The following FSIP1 variants were observed in gnomAD, a reference collection of about 807,000 sequenced individuals.
FSIP1 encodes the protein fibrous sheath-interacting protein 1.
Under a neutral mutation model 60.9 loss-of-function variants are expected in FSIP1, and 65 were observed. That is an observed-to-expected ratio of 1.07 (90% CI 0.87 to 1.31). FSIP1 has a LOEUF of 1.31. Among genes scored for constraint, FSIP1 ranks in the 40% most tolerant of loss-of-function variants. The probability of loss-of-function intolerance (pLI) is 0.00; values close to 1 mark genes in which losing one functional copy is unlikely to be tolerated. For synonymous variants in FSIP1, 209 were observed against 221.2 expected (o/e 0.94, Z 0.49); for missense variants, 675 against 665.5 (o/e 1.01, Z -0.16).
intron 11 of FSIP1, among the ~76,000 whole-genome samples, chr15:39,601,482 G>A (rs1595520210): frequency 1.3e-5 from 2 of 152,334 alleles, no homozygotes; most frequent in East Asian, 3.9e-4. Context: ...AAATGGTGCA[G>A]TAGCTTTAGA....
rs755772848 is a variant in FSIP1, at chr15:39,618,062, T to C, written c.1372A>G (p.Thr458Ala). 12 of 1,614,076 alleles carry C rather than the reference T, an allele frequency of 7.4e-6. No individual in the cohort carries two copies. The African/African-American group carries it at 1.6e-4, about 22-fold the overall frequency. ...IISKLLNESE[T>A]KVQKTEVEDA... ...TCTACCTCAGTTTTCTGGACCTTTG[T>C]TTCTGATTCATTTAGCAATTTAGAG... is the stretch of plus-strand genomic sequence containing the variant. Residue 458 changes from threonine to alanine, a missense_variant, in exon 11 of 12, where the codon ACA becomes GCA. By Grantham distance (58) the Thr-to-Ala change is moderately conservative. Coordinates refer to ENST00000350221, the MANE Select transcript of FSIP1 (RefSeq NM_152597.5).
At position 39,776,486 on chromosome 15, in the gene FSIP1, T is replaced by C; in HGVS notation, c.39A>G (p.Lys13=). The change falls in exon 2 of 12, where the codon AAA becomes AAG. Residue 13 remains lysine (K), a synonymous_variant. Coordinates refer to ENST00000350221, the MANE Select transcript of FSIP1 (RefSeq NM_152597.5). ...IIKGNLDGIS[K]PASNSRIRPG... is the part of the protein sequence containing the mutation. ...GGCGTATTCTTGAATTTGAAGCTGG[T>C]TTTGAAATTCCATCTAGGTTTCCCT... 6.2e-7 allele frequency: 1 copy of C among 1,612,976 alleles called. No homozygotes were observed. Among genetic ancestry groups the C allele is most frequent in the Non-Finnish European group, 8.5e-7 (1 of 1,179,018 alleles).
At chr15:39,707,096 A>G (rs1170610916) in intron 10 of FSIP1, among the ~76,000 whole-genome samples, 1 of 152,048 alleles carries the variant, frequency 6.6e-6, no homozygotes, top group Non-Finnish European at 1.5e-5. Context: ...ATCTGCCACC[A>G]GTTCCTCTGC....
intron 10 of FSIP1, among the ~76,000 whole-genome samples, chr15:39,678,338 T>C (rs1894026745): frequency 6.6e-6 from 1 of 152,074 alleles, no homozygotes; most frequent in Non-Finnish European, 1.5e-5. Flanking sequence ...CAAAAAAGCA[T>C]TTGATATTTA....
At chr15:39,667,018 C>T (rs772289452) in intron 10 of FSIP1, among the ~76,000 whole-genome samples, 8 of 152,192 alleles carry the variant, frequency 5.3e-5, no homozygotes, top group Non-Finnish European at 1.0e-4. Flanking sequence ...CTCAGCTCTT[C>T]CTTACTATCA....
Position 39,694,918 on chromosome 15 carries a change from CAA to C in FSIP1, c.1188+18524_1188+18525del, listed in dbSNP as rs370503760. Among the ~76,000 whole-genome samples the C allele has an allele frequency of 3.5e-3, 531 of 152,234 alleles. 3 individuals are homozygous for C. Among genetic ancestry groups the C allele is most frequent in the African/African-American group, 0.012 (507 of 41,536 alleles). ...AAACATACTTAATGTAAGTCAGGTA[CAA>C]TATAGAAAGGTCATAATCAATCACA... is the stretch of plus-strand genomic sequence containing the variant. On this transcript the variant is annotated intron_variant, in intron 10 of 11. Transcript: ENST00000350221.
At chr15:39,731,276 T>C (rs1896393160) in intron 8 of FSIP1, among the ~76,000 whole-genome samples, 1 of 152,028 alleles carries the variant, frequency 6.6e-6, no homozygotes, top group Non-Finnish European at 1.5e-5. Flanking sequence ...TTGCTCTCCC[T>C]TGAAAATAAA....
chr15:39,736,260 C>T (rs773355213), intron 8 of FSIP1, among the ~76,000 whole-genome samples: 1 of 152,220 alleles, frequency 6.6e-6, no homozygotes, highest in Non-Finnish European at 1.5e-5. Flanking sequence ...CCCTCACCCA[C>T]CCCTTTCCCC....
At chr15:39,623,760 C>T (rs1484466490) in intron 10 of FSIP1, among the ~76,000 whole-genome samples, 2 of 152,128 alleles carry the variant, frequency 1.3e-5, no homozygotes, top group African/African-American at 2.4e-5. Context: ...TATAGACTGG[C>T]CTTTCAGAGT....
At chr15:39,690,607 C>T (rs1894557892) in intron 10 of FSIP1, among the ~76,000 whole-genome samples, 1 of 152,134 alleles carries the variant, frequency 6.6e-6, no homozygotes, top group Admixed American at 6.5e-5. Context: ...CAGGTCGAAA[C>T]AGAATAGAAA....
intron 11 of FSIP1, among the ~76,000 whole-genome samples, chr15:39,616,939 G>A (rs960489409): frequency 2.6e-5 from 4 of 152,144 alleles, no homozygotes; most frequent in Admixed American, 2.6e-4. Flanking sequence ...CCTGAACACT[G>A]GAAGTGGGAA....
In FSIP1 at chr15:39,600,542, C is replaced by A. The variant is rs952581108; in HGVS notation, c.*338G>T. On this transcript the variant is annotated 3_prime_UTR_variant, in exon 12 of 12. Transcript: ENST00000350221. ...TGAATCACAGTAGAGGTGAAACATA[C>A]AAAATTGAATACAGGACAATCACAG... is the stretch of plus-strand genomic sequence containing the variant. The A allele has an allele frequency of 1.7e-5, 3 of 180,776 alleles. No individual in the cohort carries two copies. The highest frequency in any genetic ancestry group is 3.4e-5 in the Non-Finnish European group (3 of 87,450). The allele number at this position is 180,776 out of a possible 1,614,324, so 11.2% of individuals were successfully genotyped here.
At chr15:39,642,110 ACTAT>A (rs1892393937) in intron 10 of FSIP1, among the ~76,000 whole-genome samples, 2 of 152,268 alleles carry the variant, frequency 1.3e-5, no homozygotes, top group South Asian at 2.1e-4. Flanking sequence ...AGTCACAGAT[ACTAT>A]CTATGACTCA....
chr15:39,682,369 A>G (rs1329199927), intron 10 of FSIP1, among the ~76,000 whole-genome samples: 1 of 152,054 alleles, frequency 6.6e-6, no homozygotes, highest in Non-Finnish European at 1.5e-5. Flanking sequence ...AAAAAAAAGC[A>G]GCTGGAAATA....
In FSIP1 at chr15:39,765,698, T is replaced by G. The variant is rs1393461430; in HGVS notation, c.359A>C (p.Gln120Pro). 1 of 1,571,316 alleles carries G rather than the reference T, an allele frequency of 6.4e-7. No homozygotes were observed. Residue 120 changes from glutamine (Q) to proline (P), a missense_variant, in exon 4 of 12, where the codon CAG (glutamine) becomes CCG (proline). Transcript: ENST00000350221. ...ELDSQLQDAIQKMKKLDKILA... is the reference protein window; with the variant it reads ...ELDSQLQDAIPKMKKLDKILA... The stretch of plus-strand genomic sequence containing the variant: ...TATTTTATCAAGTTTTTTCATCTTC[T>G]GAATAGCATCTTGAAGTTGAGAATC...
intron 9 of FSIP1, 104 bp downstream of exon 9, chr15:39,726,485 A>G: frequency 1.7e-6 from 2 of 1,147,092 alleles, no homozygotes; most frequent in Non-Finnish European, 2.6e-6. Context: ...CTGTTATGAA[A>G]CTATGATCAC....
At position 39,770,494 on chromosome 15, in the gene FSIP1, T is replaced by C. The variant is rs748154904; in HGVS notation, c.243A>G (p.Lys81=). The change falls in exon 3 of 12, where the codon AAA becomes AAG. Residue 81 remains lysine, a synonymous_variant. Transcript: ENST00000350221. ...DKQESCSEKI[K]LAEEGSDEDL... Reference sequence around the variant, plus strand: ...CTTCATCTGATCCCTCTTCAGCCAATTTTATTTTCTCAGAGCAGCTTTCCT... The same window carrying C: ...CTTCATCTGATCCCTCTTCAGCCAACTTTATTTTCTCAGAGCAGCTTTCCT... The C allele has an allele frequency of 3.1e-6, 5 of 1,611,986 alleles. No homozygotes were observed.
intron 10 of FSIP1, among the ~76,000 whole-genome samples, chr15:39,704,510 C>T (rs909229470): frequency 2.6e-5 from 4 of 152,210 alleles, no homozygotes; most frequent in Admixed American, 1.3e-4. Flanking sequence ...ATTGGCTGAA[C>T]TATACGGACG....
intron 10 of FSIP1, among the ~76,000 whole-genome samples, chr15:39,650,760 T>A (rs1892834181): frequency 2.0e-5 from 3 of 152,244 alleles, no homozygotes; most frequent in Admixed American, 2.0e-4. Context: ...TGTACAATCC[T>A]ATAAAGGTAA....
Sources: gnomAD v4.1 joint callset for allele counts (sites outside exome capture counted in the v4.1 genomes callset) on GRCh38, gnomAD v4.1.1 for gene constraint, MANE v1.5 for transcripts, NCBI Gene and HGNC (gene_info 2026-07-23, HGNC 2026-07-21) for gene names.